The following CSMD1 variants were observed in gnomAD, a reference collection of about 807,000 sequenced individuals.
CSMD1 encodes CUB and Sushi multiple domains 1.
A neutral mutation model predicts 417.5 loss-of-function variants in CSMD1; 213 were observed. The observed-to-expected ratio is 0.51, with a 90% confidence interval of 0.46 to 0.57. CSMD1 has a LOEUF of 0.57. Ranked by LOEUF, CSMD1 falls within the 20% of genes least tolerant of loss-of-function variation. The pLI is 0.00. For synonymous variants in CSMD1, 2,862 were observed against 1,736.8 expected, an observed-to-expected ratio of 1.65 and a Z score of -16.11; for missense variants, 6,923 against 4,529.7, an observed-to-expected ratio of 1.53 and a Z score of -15.17.
chr8:3,300,785 G>A (rs556665388), intron 25 of CSMD1, among the ~76,000 whole-genome samples: 17 of 150,894 alleles, frequency 1.1e-4, no homozygotes, highest in South Asian at 2.1e-4. Context: ...GCGAAACCCC[G>A]TGTCTACTAA....
intron 23 of CSMD1, among the ~76,000 whole-genome samples, chr8:3,340,171 C>A (rs768707308): frequency 6.6e-6 from 1 of 152,052 alleles, no homozygotes; most frequent in African/African-American, 2.4e-5. Flanking sequence ...GTTAGAAGGC[C>A]TGGATTTGGG....
chr8:3,888,419 T>C (rs1443971067), intron 5 of CSMD1, among the ~76,000 whole-genome samples: 1 of 152,214 alleles, frequency 6.6e-6, no homozygotes, highest in Non-Finnish European at 1.5e-5. Context: ...AACCTTTTTT[T>C]ACCTTAATGC....
At chr8:4,807,330 A>G (rs1465785768) in intron 1 of CSMD1, among the ~76,000 whole-genome samples, 1 of 152,184 alleles carries the variant, frequency 6.6e-6, no homozygotes, top group Non-Finnish European at 1.5e-5. Flanking sequence ...GGGTAGGGTG[A>G]CAGCACTGAC....
intron 49 of CSMD1, among the ~76,000 whole-genome samples, chr8:3,053,073 T>C (rs1351636623): frequency 2.0e-5 from 3 of 152,218 alleles, no homozygotes; most frequent in African/African-American, 7.2e-5. Flanking sequence ...TGAGCCACCA[T>C]GCCCAGCATG....
chr8:3,918,799 T>A (rs1809013909), intron 5 of CSMD1, among the ~76,000 whole-genome samples: 1 of 152,122 alleles, frequency 6.6e-6, no homozygotes, highest in Non-Finnish European at 1.5e-5. Context: ...CATTTTATGT[T>A]CTCATTCATA....
chr8:3,618,781 C>G (rs1023173735), intron 7 of CSMD1, among the ~76,000 whole-genome samples: 2 of 152,184 alleles, frequency 1.3e-5, no homozygotes, highest in African/African-American at 4.8e-5. Context: ...GACTATATTT[C>G]ATGATGTCTT....
rs1309103006 is a variant in CSMD1 at position 4,267,302 on chromosome 8, G to C, written c.415+152651C>G. 2.9e-5 allele frequency among the ~76,000 whole-genome samples: 3 copies of C among 102,708 alleles called. 1 individual carries two copies. Among genetic ancestry groups the C allele is most frequent in the African/African-American group, 7.9e-5 (3 of 38,032 alleles). The allele number at this position is 102,708 out of a possible 152,430, so 67.4% of individuals were successfully genotyped here. Reference sequence around the variant, plus strand: ...AATATGTATTAGCTATAACCATTTAGAAAATATAATTTAAAAATTATAAAA... The same window carrying C: ...AATATGTATTAGCTATAACCATTTACAAAATATAATTTAAAAATTATAAAA... On this transcript the variant is annotated intron_variant, in intron 3 of 69. Transcript: ENST00000635120.
At chr8:4,625,630 A>G (rs1374396757) in intron 2 of CSMD1, among the ~76,000 whole-genome samples, 1 of 152,074 alleles carries the variant, frequency 6.6e-6, no homozygotes, top group Non-Finnish European at 1.5e-5. Flanking sequence ...TTTACATTTT[A>G]GAAATATTTA....
chr8:3,650,698 C>T (rs1033913489), intron 7 of CSMD1, among the ~76,000 whole-genome samples: 1 of 152,170 alleles, frequency 6.6e-6, no homozygotes, highest in African/African-American at 2.4e-5. Context: ...TCAATGCTGG[C>T]TTCTCAAAGA....
chr8:3,386,715 C>T (rs905501), intron 18 of CSMD1, among the ~76,000 whole-genome samples: 72,885 of 151,906 alleles, frequency 0.48, 17,669 homozygotes, highest in Middle Eastern at 0.51. Flanking sequence ...ACACTGTTTT[C>T]CATAGAAACA....
chr8:3,988,034 T>C (rs140414300), intron 5 of CSMD1, among the ~76,000 whole-genome samples: 1,741 of 152,320 alleles, frequency 0.011, 25 homozygotes, highest in Middle Eastern at 0.017. Context: ...CACACAGCTA[T>C]TAATAGATTT....
chr8:4,828,740 T>C (rs1284574393), intron 1 of CSMD1, among the ~76,000 whole-genome samples: 2 of 152,196 alleles, frequency 1.3e-5, no homozygotes, highest in Non-Finnish European at 2.9e-5. Flanking sequence ...TTTTATCATT[T>C]GGAGGTACAT....
intron 26 of CSMD1, among the ~76,000 whole-genome samples, chr8:3,253,475 T>G (rs937260855): frequency 6.6e-6 from 1 of 152,264 alleles, no homozygotes; most frequent in Non-Finnish European, 1.5e-5. Context: ...GGACTAGGTG[T>G]GGTGTGGTGC....
chr8:3,575,812 ATAATT>A (rs1800127152), intron 9 of CSMD1, among the ~76,000 whole-genome samples: 1 of 151,180 alleles, frequency 6.6e-6, no homozygotes, highest in South Asian at 2.1e-4. Flanking sequence ...GAATACAAAA[ATAATT>A]TAATTGGCCT....
intron 28 of CSMD1, 74 bp downstream of exon 28, chr8:3,223,655 G>T: frequency 2.0e-6 from 3 of 1,476,004 alleles, no homozygotes; most frequent in Non-Finnish European, 2.8e-6. Context: ...AGACTATGAG[G>T]TCATAAAAGA....
intron 10 of CSMD1, among the ~76,000 whole-genome samples, chr8:3,554,731 T>C (rs577731153): frequency 1.3e-5 from 2 of 152,278 alleles, no homozygotes; most frequent in East Asian, 1.9e-4. Context: ...GCTTCAGAAC[T>C]TCCACAGAGG....
At position 4,666,577 on chromosome 8, in the gene CSMD1, A is replaced by G. The variant is rs1482346297; in HGVS notation, c.86-29019T>C. 2.6e-5 allele frequency among the ~76,000 whole-genome samples: 4 copies of G among 152,236 alleles called. No homozygotes were observed. In the East Asian group the frequency reaches 7.7e-4, roughly 29 times the overall value. ...TTGGACTTCTGACTTCTAAAACTGT[A>G]AAATAACAAATTTATGCTGTTTCAA... is the stretch of plus-strand genomic sequence containing the variant. On this transcript the variant is annotated intron_variant, in intron 1 of 69. Transcript: ENST00000635120.
At chr8:4,260,145 G>A (rs986831127) in intron 3 of CSMD1, among the ~76,000 whole-genome samples, 1 of 152,112 alleles carries the variant, frequency 6.6e-6, no homozygotes, top group South Asian at 2.1e-4. Context: ...CTGATCTACA[G>A]TGGCTAAGTC....
At chr8:4,321,770 G>C (rs935482414) in intron 3 of CSMD1, among the ~76,000 whole-genome samples, 5 of 152,074 alleles carry the variant, frequency 3.3e-5, no homozygotes, top group African/African-American at 7.2e-5. Context: ...AGGATGCTTT[G>C]AAAATTTACA....
Sources: allele counts gnomAD v4.1 joint callset (sites outside exome capture counted in the v4.1 genomes callset), GRCh38; gene constraint gnomAD v4.1.1; transcripts MANE v1.5; gene names NCBI Gene and HGNC (gene_info 2026-07-23, HGNC 2026-07-21).